The following SSBP2 variants were observed in gnomAD, a reference collection of about 807,000 sequenced individuals.
The protein encoded by SSBP2 is single stranded DNA binding protein 2.
Under a neutral mutation model 61.8 loss-of-function variants are expected in SSBP2, and 17 were observed. The ratio of observed to expected loss-of-function variants is 0.28; its 90% CI spans 0.19 to 0.41. The LOEUF is 0.41. SSBP2 is among the 10% of genes least tolerant of loss of function. The pLI, the probability that SSBP2 is intolerant of heterozygous loss-of-function variation, is 1.00. For synonymous variants in SSBP2, 139 were observed against 141.3 expected, an observed-to-expected ratio of 0.98 and a Z score of 0.12; for missense variants, 310 against 458.7, an observed-to-expected ratio of 0.68 and a Z score of 2.96.
intron 8 of SSBP2, 150 bp from the exon 9 acceptor site, chr5:81,467,215 A>G: frequency 1.9e-6 from 1 of 518,264 alleles, no homozygotes; most frequent in Non-Finnish European, 3.5e-6. Context: ...CTATTTTAGC[A>G]ATTACTTTGG....
rs566116460 is a variant in SSBP2 at position 81,547,673 on chromosome 5, A to G, written c.283-33956T>C. ...TTTTTTGTAGAGACGATGTCTTGCT[A>G]TGTTGCCCAGGCTGGTCTCAAACTC... On this transcript the variant is annotated intron_variant, in intron 4 of 16. Transcript: ENST00000320672. Among the ~76,000 whole-genome samples the G allele has an allele frequency of 3.1e-4, 47 of 152,072 alleles. 1 individual carries two copies. The South Asian group carries it at 8.9e-3, about 29-fold the overall frequency.
chr5:81,626,856 G>C (rs1747212874), intron 3 of SSBP2, among the ~76,000 whole-genome samples: 1 of 152,156 alleles, frequency 6.6e-6, no homozygotes, highest in Admixed American at 6.5e-5. Flanking sequence ...ACACTGAATT[G>C]AGCTCTGTGA....
At position 81,419,716 on chromosome 5, in the gene SSBP2, C is replaced by G. The variant is rs1175619181; in HGVS notation, c.*788G>C. ...ATCTAAGACAAACAAATCAAGAACT[C>G]CGTTTAAAGCAGTTATTGCAGAAAT... On this transcript the variant is annotated 3_prime_UTR_variant, in exon 17 of 17. Transcript: ENST00000320672. 1 of 152,154 alleles carries G rather than the reference C, an allele frequency of 6.6e-6. No individual in the cohort carries two copies. The highest frequency in any genetic ancestry group is 1.5e-5 in the Non-Finnish European group (1 of 68,022). 9.4% of individuals were successfully genotyped at this position (152,154 alleles called of 1,614,324 possible). A position where few individuals can be genotyped will look rare whatever the true frequency, so the allele number is the denominator to read the frequency against.
At chr5:81,478,860 GTT>G (rs1765778301) in intron 6 of SSBP2, among the ~76,000 whole-genome samples, 1 of 152,156 alleles carries the variant, frequency 6.6e-6, no homozygotes, top group Non-Finnish European at 1.5e-5. Context: ...AGACAATGAT[GTT>G]TTATCACTGG....
chr5:81,498,700 GT>G (rs1268415468), intron 5 of SSBP2, among the ~76,000 whole-genome samples: 1 of 151,676 alleles, frequency 6.6e-6, no homozygotes, highest in Non-Finnish European at 1.5e-5. Flanking sequence ...TTTCTATTCT[GT>G]ATGTTGCTAT....
intron 16 of SSBP2, among the ~76,000 whole-genome samples, chr5:81,427,829 C>T (rs147711662): frequency 4.6e-5 from 7 of 152,222 alleles, no homozygotes; most frequent in African/African-American, 1.7e-4. Flanking sequence ...CAGCTCCACT[C>T]CTGGAAATTC....
chr5:81,704,617 G>A (rs752304001), intron 1 of SSBP2, among the ~76,000 whole-genome samples: 2 of 152,010 alleles, frequency 1.3e-5, no homozygotes, highest in Non-Finnish European at 2.9e-5. Context: ...CCAATATGGC[G>A]AAACCCCGTC....
At chr5:81,690,196 G>A (rs1270700297) in intron 1 of SSBP2, among the ~76,000 whole-genome samples, 1 of 151,976 alleles carries the variant, frequency 6.6e-6, no homozygotes, top group East Asian at 1.9e-4. Context: ...AGAAAGAGAA[G>A]ACCATAAGAC....
chr5:81,431,864 G>A (rs1762312490), intron 15 of SSBP2, among the ~76,000 whole-genome samples: 1 of 152,182 alleles, frequency 6.6e-6, no homozygotes, highest in Admixed American at 6.5e-5. Context: ...AGGATTACAC[G>A]TGTGGACCAC....
intron 4 of SSBP2, among the ~76,000 whole-genome samples, chr5:81,608,370 C>T (rs1237700268): frequency 1.3e-5 from 2 of 152,124 alleles, no homozygotes; most frequent in Non-Finnish European, 2.9e-5. Flanking sequence ...TTAGAATAGC[C>T]TCCTAACTGT....
chr5:81,540,018 T>C (rs1771131147), intron 4 of SSBP2, among the ~76,000 whole-genome samples: 1 of 152,180 alleles, frequency 6.6e-6, no homozygotes, highest in Non-Finnish European at 1.5e-5. Context: ...CTGTGTTAGT[T>C]TGCTGAGAAT....
At position 81,455,225 on chromosome 5, in the gene SSBP2, C is replaced by T. The variant is rs532327000; in HGVS notation, c.687+5830G>A. Among the ~76,000 whole-genome samples the T allele has an allele frequency of 6.8e-4, 103 of 152,222 alleles. 1 individual carries two copies. Among genetic ancestry groups the T allele is most frequent in the African/African-American group, 2.4e-3 (99 of 41,550 alleles). On this transcript the variant is annotated intron_variant, in intron 10 of 16. Transcript: ENST00000320672. Reference sequence around the variant, plus strand: ...GCCTACCTTTACACCTGCTTCTTTTCCTGTGATCCTAGCTCAGTTGTGTTA... The same window carrying T: ...GCCTACCTTTACACCTGCTTCTTTTTCTGTGATCCTAGCTCAGTTGTGTTA...
At chr5:81,714,455 G>A (rs552998838) in intron 1 of SSBP2, among the ~76,000 whole-genome samples, 6 of 152,208 alleles carry the variant, frequency 3.9e-5, no homozygotes, top group African/African-American at 1.2e-4. Flanking sequence ...GGTATTTCTG[G>A]TTCTAGATCC....
chr5:81,532,701 A>G (rs1467211020), intron 4 of SSBP2, among the ~76,000 whole-genome samples: 2 of 151,972 alleles, frequency 1.3e-5, no homozygotes, highest in Admixed American at 1.3e-4. Flanking sequence ...GGCATAGAAA[A>G]GAATATACCT....
At chr5:81,589,266 G>A (rs950060920) in intron 4 of SSBP2, among the ~76,000 whole-genome samples, 1 of 152,142 alleles carries the variant, frequency 6.6e-6, no homozygotes, top group East Asian at 1.9e-4. Context: ...TGACAGTTCT[G>A]ACTACAAAAG....
chr5:81,492,255 C>A (rs905582918), intron 5 of SSBP2, among the ~76,000 whole-genome samples: 12 of 152,188 alleles, frequency 7.9e-5, no homozygotes, highest in African/African-American at 1.7e-4. Context: ...GTAATCCCAG[C>A]ACTTTGGGAG....
At chr5:81,421,662 T>C (rs1396693193) in intron 16 of SSBP2, among the ~76,000 whole-genome samples, 2 of 152,322 alleles carry the variant, frequency 1.3e-5, no homozygotes, top group South Asian at 2.1e-4. Flanking sequence ...GCAACTATTT[T>C]GCTAATTGTG....
intron 4 of SSBP2, among the ~76,000 whole-genome samples, chr5:81,519,750 G>A (rs905214131): frequency 2.0e-4 from 30 of 152,046 alleles, no homozygotes; most frequent in Admixed American, 5.2e-4. Context: ...GAGTCTGCCC[G>A]CCTGCCCTGG....
intron 1 of SSBP2, among the ~76,000 whole-genome samples, chr5:81,729,579 G>A (rs1756118643): frequency 6.6e-6 from 1 of 152,028 alleles, no homozygotes; most frequent in Non-Finnish European, 1.5e-5. Flanking sequence ...ATGAACTGAG[G>A]AGTATTAACT....
Sources: gnomAD v4.1 joint callset for allele counts (sites outside exome capture counted in the v4.1 genomes callset) on GRCh38, gnomAD v4.1.1 for gene constraint, MANE v1.5 for transcripts, NCBI Gene and HGNC (gene_info 2026-07-23, HGNC 2026-07-21) for gene names.